The following SHISA6 variants were observed in gnomAD, a reference collection of about 807,000 sequenced individuals.
SHISA6 encodes the protein shisa family member 6.
Under a neutral mutation model 47.9 loss-of-function variants are expected in SHISA6, and 22 were observed. The observed-to-expected ratio is 0.46, with a 90% CI of 0.33 to 0.66. The LOEUF is 0.66. Among genes scored for constraint, SHISA6 ranks in the 30% least tolerant of loss-of-function variants. The pLI is 0.02. For missense variants in SHISA6, 680 were observed against 764.6 expected (o/e 0.89, Z 1.30); for synonymous variants, 388 against 337.8 (o/e 1.15, Z -1.63).
intron 2 of SHISA6, among the ~76,000 whole-genome samples, chr17:11,322,596 C>A (rs1258021071): frequency 6.6e-6 from 1 of 152,130 alleles, no homozygotes; most frequent in Non-Finnish European, 1.5e-5. Flanking sequence ...TACTGGCATA[C>A]AATTCCTATT....
rs1245097730 is a variant in SHISA6 at position 11,559,942 on chromosome 17, A to T, written c.*1638A>T. ...GCACCCGCTGGGTTGGGGCTGGGGG[A>T]ATCAACTCCAGGCTATTGGGTGAAG... is the stretch of plus-strand genomic sequence containing the variant. On this transcript the variant is annotated 3_prime_UTR_variant, in exon 6 of 6. Coordinates refer to ENST00000441885, the MANE Select transcript of SHISA6 (RefSeq NM_207386.4). The surrounding 1 kb of genome is among the most constrained non-coding windows in gnomAD (Gnocchi z 4.4). 2.6e-5 allele frequency: 4 copies of T among 152,194 alleles called. No homozygotes were observed. The highest frequency in any genetic ancestry group is 2.0e-4 in the Admixed American group (3 of 15,276). 9.4% of individuals were successfully genotyped at this position (152,194 alleles called of 1,614,324 possible). A position where few individuals can be genotyped will look rare whatever the true frequency, so the allele number is the denominator to read the frequency against.
intron 3 of SHISA6, among the ~76,000 whole-genome samples, chr17:11,406,390 T>C (rs1362427363): frequency 6.6e-6 from 1 of 152,228 alleles, no homozygotes; most frequent in Non-Finnish European, 1.5e-5. Flanking sequence ...TCAGACTGTC[T>C]TAACTCGCCA....
intron 3 of SHISA6, among the ~76,000 whole-genome samples, chr17:11,473,502 A>G (rs62062119): frequency 0.065 from 9,910 of 152,124 alleles, 394 homozygotes; most frequent in Non-Finnish European, 0.089. Flanking sequence ...AGGGTAAGAG[A>G]GGGCAAGAGG....
intron 2 of SHISA6, among the ~76,000 whole-genome samples, chr17:11,274,839 A>T (rs1908819844): frequency 6.6e-6 from 1 of 152,152 alleles, no homozygotes; most frequent in Admixed American, 6.5e-5. Flanking sequence ...CATGCTCAGA[A>T]CGCTCAGAGG....
At chr17:11,328,018 A>G (rs1910965519) in intron 2 of SHISA6, among the ~76,000 whole-genome samples, 1 of 152,224 alleles carries the variant, frequency 6.6e-6, no homozygotes. Flanking sequence ...TTTAATAAAT[A>G]CAAATTCATT....
chr17:11,397,395 C>CTGTG (rs3034221), intron 3 of SHISA6, among the ~76,000 whole-genome samples: 49,852 of 140,300 alleles, frequency 0.36, 9,530 homozygotes, highest in East Asian at 0.51. Context: ...TTACCTGCCT[C>CTGTG]TGTGTGTGTG....
At position 11,316,160 on chromosome 17, in the gene SHISA6, T is replaced by TA. The variant is rs1555527900; in HGVS notation, c.799+52644dup. 4.4e-3 allele frequency among the ~76,000 whole-genome samples: 656 copies of TA among 149,730 alleles called. 9 individuals carry two copies. The highest frequency in any genetic ancestry group is 0.015 in the African/African-American group (603 of 40,886). ...GATATAAAGTTGAACATAGTGTTTT[T>TA]AAAAAAAAAATTAGTTGTAAAGTTT... On this transcript the variant is annotated intron_variant, in intron 2 of 5. Coordinates refer to ENST00000441885, the MANE Select transcript of SHISA6 (RefSeq NM_207386.4).
chr17:11,271,278 G>GTGGC (rs1378722391), intron 2 of SHISA6, among the ~76,000 whole-genome samples: 1 of 152,134 alleles, frequency 6.6e-6, no homozygotes, highest in African/African-American at 2.4e-5. Flanking sequence ...GACCTTCTCA[G>GTGGC]TGGCTTTTTT....
chr17:11,330,613 A>T (rs980531113), intron 2 of SHISA6, among the ~76,000 whole-genome samples: 1 of 152,128 alleles, frequency 6.6e-6, no homozygotes, highest in Admixed American at 6.5e-5. Flanking sequence ...GATGCAGACA[A>T]ATCACCTTCC....
intron 3 of SHISA6, among the ~76,000 whole-genome samples, chr17:11,524,503 CT>C (rs548959000): frequency 0.06 from 8,465 of 140,720 alleles, 253 homozygotes; most frequent in Middle Eastern, 0.089. Flanking sequence ...TTTCTTTTTT[CT>C]TTTTTTTTTT....
chr17:11,394,834 GTC>G (rs1028142686), intron 3 of SHISA6, among the ~76,000 whole-genome samples: 225 of 151,702 alleles, frequency 1.5e-3, no homozygotes, highest in African/African-American at 5.2e-3. Flanking sequence ...TTTAGTCTCT[GTC>G]TCTCTTTTTC....
intron 1 of SHISA6, among the ~76,000 whole-genome samples, chr17:11,255,739 C>T (rs1314901608): frequency 2.0e-5 from 3 of 152,172 alleles, no homozygotes; most frequent in Non-Finnish European, 4.4e-5. Context: ...TGTGTGGCTC[C>T]CCCACCACAC....
At chr17:11,543,265 A>G (rs1291338159) in intron 3 of SHISA6, among the ~76,000 whole-genome samples, 1 of 152,098 alleles carries the variant, frequency 6.6e-6, no homozygotes, top group Non-Finnish European at 1.5e-5. Flanking sequence ...ACATATATAT[A>G]GAGAGAGATG....
chr17:11,462,931 G>C (rs1180404218), intron 3 of SHISA6, among the ~76,000 whole-genome samples: 1 of 152,194 alleles, frequency 6.6e-6, no homozygotes, highest in Non-Finnish European at 1.5e-5. Context: ...GTTATCCATT[G>C]AGGTAGGATA....
At chr17:11,245,762 T>A (rs1907557685) in intron 1 of SHISA6, among the ~76,000 whole-genome samples, 1 of 146,868 alleles carries the variant, frequency 6.8e-6, no homozygotes, top group African/African-American at 2.6e-5. Context: ...GGGGGGTGGA[T>A]ATCTAGGTGG....
In SHISA6 at chr17:11,379,495, G is replaced by A. The variant is rs1912936328; in HGVS notation, c.881G>A (p.Arg294Lys). 1 of 1,538,130 alleles carries A rather than the reference G, an allele frequency of 6.5e-7. No homozygotes were observed. Among genetic ancestry groups the A allele is most frequent in the Non-Finnish European group, 8.8e-7 (1 of 1,140,900 alleles). Residue 294 changes from arginine (R) to lysine (K), a missense_variant, in exon 3 of 6, where the codon AGA becomes AAA. By Grantham distance (26) the Arg-to-Lys change is conservative (BLOSUM62 2). Around this residue, in one of 2 missense-constraint regions of SHISA6, gnomAD observed 559 missense variants for 674.1 expected, o/e 0.83. Transcript: ENST00000441885. ...TCATCTGGATTTGTCACATTAGGAA[G>A]AGGACACACCAAGGGTACAGTGGAA... ...FISSGFVTLG[R>K]GHTKGDHQYN...
intron 2 of SHISA6, among the ~76,000 whole-genome samples, chr17:11,286,081 AC>A (rs1239929630): frequency 6.6e-6 from 1 of 151,172 alleles, no homozygotes; most frequent in Non-Finnish European, 1.5e-5. Context: ...CGTAGGTGAG[AC>A]CCCCGTGTAG....
chr17:11,286,050 A>G (rs546672944), intron 2 of SHISA6, among the ~76,000 whole-genome samples: 3 of 151,994 alleles, frequency 2.0e-5, no homozygotes, highest in Non-Finnish European at 1.5e-5. Context: ...GTTAGCCAGG[A>G]TGGTCTCGAA....
chr17:11,339,429 C>CT lies in SHISA6; in HGVS notation c.800-39985_800-39984insT, dbSNP rs775938618. On this transcript the variant is annotated intron_variant, in intron 2 of 5. Transcript: ENST00000441885. Reference sequence around the variant, plus strand: ...AGAATTATGAGGGATTCACTACACCCCCCCTCCTTTTTGGTCTGTTATTTT... The same window carrying CT: ...AGAATTATGAGGGATTCACTACACCCTCCCCTCCTTTTTGGTCTGTTATTTT... Among the ~76,000 whole-genome samples, 221 of 151,844 alleles carry CT rather than the reference C, an allele frequency of 1.5e-3. 1 individual carries two copies. Among genetic ancestry groups the CT allele is most frequent in the Non-Finnish European group, 2.7e-3 (186 of 67,944 alleles).
Sources: allele counts gnomAD v4.1 joint callset (sites outside exome capture counted in the v4.1 genomes callset), GRCh38; gene constraint gnomAD v4.1.1; regional missense constraint gnomAD v4.1.1; non-coding constraint Gnocchi (gnomAD v3.1); transcripts MANE v1.5; gene names NCBI Gene and HGNC (gene_info 2026-07-23, HGNC 2026-07-21).